ADAMTS19: variants seen among roughly 807,000 people sequenced by gnomAD.
ADAMTS19 encodes A disintegrin and metalloproteinase with thrombospondin motifs 19.
A neutral mutation model predicts 153.3 loss-of-function variants in ADAMTS19; 93 were observed. That is an observed-to-expected ratio of 0.61 (90% CI 0.51 to 0.72). ADAMTS19 has a LOEUF of 0.72. ADAMTS19 is among the 30% of genes least tolerant of loss of function. The pLI, the probability that ADAMTS19 is intolerant of heterozygous loss-of-function variation, is 0.00. For synonymous variants in ADAMTS19, 600 were observed against 556.6 expected, an observed-to-expected ratio of 1.08 and a Z score of -1.10; for missense variants, 1,482 against 1,552.1, an observed-to-expected ratio of 0.95 and a Z score of 0.76.
In ADAMTS19 at chr5:129,530,673, G is replaced by A. The variant is rs115082870; in HGVS notation, c.1328+1996G>A. On this transcript the variant is annotated intron_variant, in intron 6 of 22. Coordinates refer to ENST00000274487, the MANE Select transcript of ADAMTS19 (RefSeq NM_133638.6). ...CTTAATCTCTGAAAGGGTATCTATC[G>A]AAACATATATCTACAACTAATATCA... Among the ~76,000 whole-genome samples, 709 of 152,096 alleles carry A rather than the reference G, an allele frequency of 4.7e-3. 7 individuals are homozygous for A. The highest frequency in any genetic ancestry group is 0.016 in the African/African-American group (658 of 41,500).
chr5:129,535,236 G>C (rs866707441), intron 6 of ADAMTS19, among the ~76,000 whole-genome samples: 55 of 152,236 alleles, frequency 3.6e-4, no homozygotes, highest in African/African-American at 1.3e-3. Context: ...CAAAATCAAT[G>C]TGCAAAAATC....
chr5:129,597,697 G>C (rs1422547498), intron 8 of ADAMTS19, among the ~76,000 whole-genome samples: 1 of 151,998 alleles, frequency 6.6e-6, no homozygotes, highest in Non-Finnish European at 1.5e-5. Context: ...ACGAGATCAA[G>C]AGATCGAGAC....
At chr5:129,631,177 T>A (rs1752272969) in intron 10 of ADAMTS19, among the ~76,000 whole-genome samples, 1 of 149,898 alleles carries the variant, frequency 6.7e-6, no homozygotes, top group Non-Finnish European at 1.5e-5. Flanking sequence ...TTTTTTTTTT[T>A]TTTTATCACT....
At chr5:129,621,594 A>AGCTAC (rs1177673115) in intron 9 of ADAMTS19, among the ~76,000 whole-genome samples, 1 of 152,234 alleles carries the variant, frequency 6.6e-6, no homozygotes, top group Non-Finnish European at 1.5e-5. Context: ...GTGATATTTC[A>AGCTAC]GACACACCAT....
chr5:129,522,857 A>G (rs965596139), intron 3 of ADAMTS19, among the ~76,000 whole-genome samples: 8 of 152,114 alleles, frequency 5.3e-5, no homozygotes, highest in African/African-American at 1.9e-4. Flanking sequence ...GGAGTTTGAG[A>G]CCAGACTGAC....
At chr5:129,481,219 C>G (rs1750397156) in intron 2 of ADAMTS19, among the ~76,000 whole-genome samples, 1 of 152,138 alleles carries the variant, frequency 6.6e-6, no homozygotes, top group Admixed American at 6.6e-5. Flanking sequence ...GGGGAACAGG[C>G]ACCTTCTTCA....
intron 18 of ADAMTS19, among the ~76,000 whole-genome samples, chr5:129,692,993 G>A (rs537926055): frequency 6.6e-6 from 1 of 152,266 alleles, no homozygotes; most frequent in South Asian, 2.1e-4. Context: ...AAATAACTTA[G>A]CCAACATTGT....
chr5:129,601,027 C>T (rs145497688), intron 8 of ADAMTS19, among the ~76,000 whole-genome samples: 174 of 152,216 alleles, frequency 1.1e-3, no homozygotes, highest in Admixed American at 4.4e-3. Flanking sequence ...CGTGCCACCA[C>T]ACCCGGCTAA....
chr5:129,696,836 G>A (rs985380704), intron 19 of ADAMTS19, among the ~76,000 whole-genome samples: 13 of 152,224 alleles, frequency 8.5e-5, no homozygotes, highest in African/African-American at 2.9e-4. Context: ...GTTAAGATAA[G>A]GGGTTGTAGA....
rs571307384 is a variant in ADAMTS19 at position 129,593,489 on chromosome 5, C to CT, written c.1373-3062dup. On this transcript the variant is annotated intron_variant, in intron 7 of 22. Coordinates refer to ENST00000274487, the MANE Select transcript of ADAMTS19 (RefSeq NM_133638.6). ...TAAATCTCACTCCCTGATAAAGTTC[C>CT]TTTTTTTTGTAAAATGTCTGCTCTT... 4.2e-4 allele frequency among the ~76,000 whole-genome samples: 64 copies of CT among 151,916 alleles called. No homozygotes were observed. In the South Asian group the frequency reaches 5.0e-3, roughly 12 times the overall value.
At chr5:129,677,862 G>A (rs1234260030) in intron 16 of ADAMTS19, among the ~76,000 whole-genome samples, 1 of 151,988 alleles carries the variant, frequency 6.6e-6, no homozygotes, top group African/African-American at 2.4e-5. Context: ...GCCCAGGCTG[G>A]AGTGCAGTGG....
At chr5:129,474,831 A>G (rs1750174021) in intron 2 of ADAMTS19, among the ~76,000 whole-genome samples, 1 of 152,110 alleles carries the variant, frequency 6.6e-6, no homozygotes, top group Admixed American at 6.6e-5. Flanking sequence ...TTTCCTAGTA[A>G]CTAATTATAT....
intron 7 of ADAMTS19, among the ~76,000 whole-genome samples, chr5:129,571,829 A>G (rs68183765): frequency 0.067 from 10,117 of 151,554 alleles, 578 homozygotes; most frequent in African/African-American, 0.16. Flanking sequence ...ATGGACCAAA[A>G]TAGAGATTCC....
intron 7 of ADAMTS19, among the ~76,000 whole-genome samples, chr5:129,583,803 C>A (rs541479950): frequency 5.9e-5 from 9 of 152,084 alleles, no homozygotes; most frequent in African/African-American, 2.2e-4. Flanking sequence ...TTCTAGTTAG[C>A]AATTCCGCTA....
Position 129,735,118 on chromosome 5 carries a change from A to T in ADAMTS19, c.3490+9A>T. The T allele has an allele frequency of 6.5e-7, 1 of 1,544,304 alleles. No individual in the cohort carries two copies. Among genetic ancestry groups the T allele is most frequent in the African/African-American group, 1.4e-5 (1 of 71,034 alleles). On this transcript the variant is annotated intron_variant, in intron 22 of 22. Coordinates refer to ENST00000274487, the MANE Select transcript of ADAMTS19 (RefSeq NM_133638.6). ...AACATCACCCAGACTGGGTAAGCAG[A>T]CAAAAAAAAAAGATGCTTTTGAAAA... is the stretch of plus-strand genomic sequence containing the variant.
At chr5:129,528,176 T>C (rs904812022) in intron 5 of ADAMTS19, among the ~76,000 whole-genome samples, 2 of 152,070 alleles carry the variant, frequency 1.3e-5, no homozygotes, top group African/African-American at 4.8e-5. Flanking sequence ...CATTTTGATA[T>C]GCTGCTTAAC....
At chr5:129,490,675 G>A (rs966190010) in intron 2 of ADAMTS19, among the ~76,000 whole-genome samples, 6 of 152,062 alleles carry the variant, frequency 3.9e-5, no homozygotes, top group Admixed American at 1.3e-4. Flanking sequence ...TGAGACAAGA[G>A]ACCCTAAGTC....
At chr5:129,683,140 T>C (rs922582276) in intron 17 of ADAMTS19, among the ~76,000 whole-genome samples, 19 of 151,600 alleles carry the variant, frequency 1.3e-4, no homozygotes, top group African/African-American at 4.6e-4. Flanking sequence ...AGAAGTGATA[T>C]ATTCCATGGG....
At chr5:129,612,123 C>A (rs958672313) in intron 8 of ADAMTS19, among the ~76,000 whole-genome samples, 1 of 114,436 alleles carries the variant, frequency 8.7e-6, no homozygotes, top group Non-Finnish European at 1.8e-5. Flanking sequence ...TCCCTCCCCC[C>A]TACCCCCACC....
Sources: allele counts gnomAD v4.1 joint callset (sites outside exome capture counted in the v4.1 genomes callset), GRCh38; gene constraint gnomAD v4.1.1; transcripts MANE v1.5; gene names NCBI Gene and HGNC (gene_info 2026-07-23, HGNC 2026-07-21).